Variants in ZNF595 observed in about 807,000 individuals in gnomAD.
ZNF595 encodes the protein zinc finger protein 595.
Under a neutral mutation model 19.4 loss-of-function variants are expected in ZNF595, and 9 were observed. The observed-to-expected ratio is 0.46, with a 90% confidence interval of 0.28 to 0.81. The LOEUF is 0.81. Among genes scored for constraint, ZNF595 ranks in the 30% least tolerant of loss-of-function variants. ZNF595 has a pLI of 0.11. For missense variants in ZNF595, 729 were observed against 736.0 expected, an observed-to-expected ratio of 0.99 and a Z score of 0.11; for synonymous variants, 255 against 255.9, an observed-to-expected ratio of 1.00 and a Z score of 0.03.
Position 84,785 on chromosome 4 carries a change from A to G in ZNF595, c.227-946A>G, listed in dbSNP as rs1017743489. Among the ~76,000 whole-genome samples, 3 of 152,058 alleles carry G rather than the reference A, an allele frequency of 2.0e-5. No individual in the cohort carries two copies. In the South Asian group the frequency reaches 6.2e-4, roughly 32 times the overall value. On this transcript the variant is annotated intron_variant, in intron 3 of 3. Coordinates refer to ENST00000610261, the MANE Select transcript of ZNF595 (RefSeq NM_182524.4). The stretch of plus-strand genomic sequence containing the variant: ...TTCACATCCACAATTTGTTTTTTAT[A>G]TTTTAACGTTTTCATCGATACCTCA...
At chr4:70,234 T>A (rs1157800841) in intron 3 of ZNF595, among the ~76,000 whole-genome samples, 5 of 152,202 alleles carry the variant, frequency 3.3e-5, no homozygotes, top group African/African-American at 1.2e-4. Flanking sequence ...GATTTGAGTC[T>A]CTAATCCATT....
Position 87,276 on chromosome 4 carries a change from C to CTT in ZNF595, c.1772_1773insTT (p.Phe592SerfsTer22), listed in dbSNP as rs782686070. On this transcript the variant is annotated frameshift_variant, in exon 4 of 4. Coordinates refer to ENST00000610261, the MANE Select transcript of ZNF595 (RefSeq NM_182524.4). LOFTEE classifies it high-confidence loss of function. The stretch of plus-strand genomic sequence containing the variant: ...AAGAGAATTCATACTGGAGAGAAAC[C>CTT]CTTCACATGTGAAGAATGTGGCAAA... 3 of 1,611,998 alleles carry CTT rather than the reference C, an allele frequency of 1.9e-6. No individual in the cohort carries two copies. The highest frequency in any genetic ancestry group is 2.5e-6 in the Non-Finnish European group (3 of 1,179,226).
intron 3 of ZNF595, among the ~76,000 whole-genome samples, chr4:75,802 G>T (rs1219951415): frequency 3.4e-5 from 5 of 146,298 alleles, no homozygotes; most frequent in Admixed American, 6.7e-5. Flanking sequence ...TTTTTGGGGG[G>T]TTTTTTGGTT....
chr4:84,013 C>A (rs1312486690), intron 3 of ZNF595, among the ~76,000 whole-genome samples: 2 of 151,898 alleles, frequency 1.3e-5, no homozygotes, highest in African/African-American at 4.8e-5. Flanking sequence ...CAGATACTTA[C>A]TTTTTGGTAT....
At position 86,424 on chromosome 4, in the gene ZNF595, C is replaced by T. The variant is rs931571240; in HGVS notation, c.920C>T (p.Thr307Ile). 1.2e-6 allele frequency: 2 copies of T among 1,613,926 alleles called. No homozygotes were observed. Among genetic ancestry groups the T allele is most frequent in the Non-Finnish European group, 1.7e-6 (2 of 1,179,988 alleles). Reference protein sequence around the residue: ...TSLNEHKNIHTGEKPYKCKEC... With the variant: ...TSLNEHKNIHIGEKPYKCKEC... ...CTGAATGAACATAAGAATATTCATA[C>T]TGGAGAGAAACCCTACAAATGTAAA... The change falls in exon 4 of 4, where the codon ACT becomes ATT. Residue 307 changes from threonine to isoleucine, a missense_variant. Physicochemically the swap from Thr to Ile is moderately conservative, Grantham distance 89. Around this residue, in one of 2 missense-constraint regions of ZNF595, gnomAD observed 729 missense variants for 675.3 expected, o/e 1.08. Transcript: ENST00000610261.
intron 3 of ZNF595, among the ~76,000 whole-genome samples, chr4:79,047 A>G (rs979164029): frequency 4.6e-5 from 7 of 152,216 alleles, no homozygotes; most frequent in South Asian, 2.1e-4. Context: ...TTATTTTGCA[A>G]TGGATCTCTA....
intron 3 of ZNF595, among the ~76,000 whole-genome samples, chr4:78,508 A>T (rs1553799189): frequency 2.6e-5 from 4 of 152,146 alleles, no homozygotes; most frequent in Non-Finnish European, 5.9e-5. Flanking sequence ...TTTGTTCGTA[A>T]ATTATTTATT....
intron 3 of ZNF595, among the ~76,000 whole-genome samples, chr4:83,585 A>C (rs1409017149): frequency 7.1e-6 from 1 of 140,862 alleles, no homozygotes; most frequent in African/African-American, 2.7e-5. Flanking sequence ...ACGCCACTGC[A>C]CTCCAGCCTG....
At position 85,767 on chromosome 4, in the gene ZNF595, T is replaced by G; in HGVS notation, c.263T>G (p.Val88Gly). The G allele has an allele frequency of 1.2e-6, 2 of 1,609,156 alleles. No individual in the cohort carries two copies. Among genetic ancestry groups the G allele is most frequent in the South Asian group, 2.2e-5 (2 of 90,526 alleles). ...CSPFSQDLSP[V>G]QGIEDSFHKL... ...CCTTTCAGCCAAGACCTTTCACCAG[T>G]GCAGGGGATAGAAGATTCATTCCAC... The change falls in exon 4 of 4, where the codon GTG becomes GGG. Residue 88 changes from valine to glycine, a missense_variant. Val to Gly is a moderately radical substitution (Grantham distance 109). Around this residue, in one of 2 missense-constraint regions of ZNF595, gnomAD observed 729 missense variants for 675.3 expected, o/e 1.08. Coordinates refer to ENST00000610261, the MANE Select transcript of ZNF595 (RefSeq NM_182524.4).
chr4:81,242 C>T (rs1713895524), intron 3 of ZNF595, among the ~76,000 whole-genome samples: 2 of 152,196 alleles, frequency 1.3e-5, no homozygotes, highest in Non-Finnish European at 2.9e-5. Context: ...CAATATTTCA[C>T]TGTGTACACT....
At chr4:71,642 G>A (rs1252646323) in intron 3 of ZNF595, among the ~76,000 whole-genome samples, 10 of 152,108 alleles carry the variant, frequency 6.6e-5, no homozygotes, top group Non-Finnish European at 2.9e-5. Context: ...AGAGCCTCAC[G>A]GGAGCAGCTG....
chr4:84,236 T>A (rs1230811410), intron 3 of ZNF595, among the ~76,000 whole-genome samples: 3 of 152,198 alleles, frequency 2.0e-5, no homozygotes, highest in African/African-American at 7.2e-5. Flanking sequence ...TAAAATGTTT[T>A]CTGCACTATC....
intron 3 of ZNF595, among the ~76,000 whole-genome samples, chr4:75,300 G>A (rs1553798532): frequency 6.6e-6 from 1 of 152,180 alleles, no homozygotes. Flanking sequence ...CTGGATGCCA[G>A]GAAGTCCAAG....
intron 3 of ZNF595, among the ~76,000 whole-genome samples, chr4:73,588 G>A (rs1713519764): frequency 6.6e-6 from 1 of 152,112 alleles, no homozygotes; most frequent in Non-Finnish European, 1.5e-5. Context: ...TTTTGATAGG[G>A]CACAAAGGAT....
At chr4:71,568 GA>G (rs1285648143) in intron 3 of ZNF595, among the ~76,000 whole-genome samples, 2 of 152,138 alleles carry the variant, frequency 1.3e-5, no homozygotes, top group Non-Finnish European at 2.9e-5. Context: ...ATGTCTCTTG[GA>G]ATGTCTAGGG....
intron 3 of ZNF595, among the ~76,000 whole-genome samples, chr4:76,976 A>G (rs1713692213): frequency 6.6e-6 from 1 of 152,132 alleles, no homozygotes; most frequent in Non-Finnish European, 1.5e-5. Flanking sequence ...CATAAAACTG[A>G]ATGTCTGTAT....
At chr4:85,614 A>G (rs1714101461) in intron 3 of ZNF595, 117 bp from the exon 4 acceptor site, 2 of 1,218,482 alleles carry the variant, frequency 1.6e-6, no homozygotes, top group South Asian at 1.7e-5. Context: ...ATGGCCTGTG[A>G]TATTTTGTTA....
chr4:61,432 G>C (rs1464207483), intron 3 of ZNF595, among the ~76,000 whole-genome samples: 9 of 151,826 alleles, frequency 5.9e-5, no homozygotes, highest in Non-Finnish European at 1.0e-4. Context: ...CACCGTGCCT[G>C]GCCCGCCTTC....
At chr4:82,068 C>G (rs1419685036) in intron 3 of ZNF595, among the ~76,000 whole-genome samples, 1 of 151,936 alleles carries the variant, frequency 6.6e-6, no homozygotes, top group African/African-American at 2.4e-5. Flanking sequence ...CACCTGTATA[C>G]CCATACTAAA....
Sources: gnomAD v4.1 joint callset for allele counts (sites outside exome capture counted in the v4.1 genomes callset) on GRCh38, gnomAD v4.1.1 for gene constraint, gnomAD v4.1.1 regional missense constraint, MANE v1.5 for transcripts, NCBI Gene and HGNC (gene_info 2026-07-23, HGNC 2026-07-21) for gene names.